Variants in VPS41 observed in about 807,000 individuals in gnomAD.
VPS41 encodes vacuolar protein sorting-associated protein 41 homolog.
Under a neutral mutation model 130.9 loss-of-function variants are expected in VPS41, and 85 were observed. The observed-to-expected ratio is 0.65, with a 90% CI of 0.55 to 0.78. The LOEUF is 0.78. Ranked by LOEUF, VPS41 falls within the 30% of genes least tolerant of loss-of-function variation. The pLI is 0.00. For missense variants in VPS41, 874 were observed against 1,018.7 expected (o/e 0.86, Z 1.93); for synonymous variants, 335 against 332.9 (o/e 1.01, Z -0.07).
At chr7:38,827,775 G>T (rs1259030212) in intron 5 of VPS41, among the ~76,000 whole-genome samples, 2 of 152,188 alleles carry the variant, frequency 1.3e-5, no homozygotes, top group Non-Finnish European at 2.9e-5. Context: ...GAAAACAAAT[G>T]CAACTGAGGC....
chr7:38,757,092 A>C, intron 18 of VPS41, 110 bp from the exon 19 acceptor site: 1 of 843,876 alleles, frequency 1.2e-6, no homozygotes, highest in Non-Finnish European at 1.8e-6. Flanking sequence ...TTTAGAGAGA[A>C]AAGTTAACTT....
intron 2 of VPS41, among the ~76,000 whole-genome samples, chr7:38,896,493 G>GA: frequency 6.6e-6 from 1 of 152,324 alleles, no homozygotes. Flanking sequence ...GGATGGCTTT[G>GA]AATGCAGCTC....
chr7:38,863,089 T>C (rs574119947), intron 3 of VPS41, among the ~76,000 whole-genome samples: 141 of 152,336 alleles, frequency 9.3e-4, no homozygotes, highest in African/African-American at 3.3e-3. Context: ...ATCCATGCCA[T>C]ATTGAGAGAC....
intron 4 of VPS41, among the ~76,000 whole-genome samples, chr7:38,840,754 A>G (rs1228026775): frequency 6.6e-6 from 1 of 152,256 alleles, no homozygotes; most frequent in Non-Finnish European, 1.5e-5. Flanking sequence ...TTCAGTCCCC[A>G]TTAGCAAATG....
chr7:38,768,099 G>C (rs1784082985), intron 14 of VPS41, among the ~76,000 whole-genome samples: 1 of 152,170 alleles, frequency 6.6e-6, no homozygotes, highest in Admixed American at 6.5e-5. Context: ...AGAAAAACCT[G>C]TGATTCAAAC....
chr7:38,768,084 A>G, intron 14 of VPS41, among the ~76,000 whole-genome samples: 1 of 152,224 alleles, frequency 6.6e-6, no homozygotes, highest in East Asian at 1.9e-4. Flanking sequence ...AGTTGATATG[A>G]GCTCAGAAAA....
At chr7:38,893,746 T>A (rs1489813472) in intron 2 of VPS41, among the ~76,000 whole-genome samples, 1 of 152,220 alleles carries the variant, frequency 6.6e-6, no homozygotes, top group Non-Finnish European at 1.5e-5. Context: ...GATTTTGCAT[T>A]TCTACTTTAA....
At chr7:38,903,725 T>C (rs1787193698) in intron 1 of VPS41, among the ~76,000 whole-genome samples, 1 of 152,146 alleles carries the variant, frequency 6.6e-6, no homozygotes, top group Non-Finnish European at 1.5e-5. Context: ...GTGGTATGTA[T>C]GTGATATCCC....
At chr7:38,893,004 G>C (rs1786899552) in intron 2 of VPS41, among the ~76,000 whole-genome samples, 1 of 152,122 alleles carries the variant, frequency 6.6e-6, no homozygotes, top group African/African-American at 2.4e-5. Flanking sequence ...GGACTTCCAT[G>C]AGAACCACGC....
intron 19 of VPS41, among the ~76,000 whole-genome samples, chr7:38,755,354 T>C (rs1185485165): frequency 6.6e-6 from 1 of 152,190 alleles, no homozygotes; most frequent in Non-Finnish European, 1.5e-5. Context: ...CTAGTCTCCC[T>C]ATGAGACTCC....
Position 38,771,115 on chromosome 7 carries a change from C to G in VPS41, c.1185+83G>C, listed in dbSNP as rs566834106. The G allele has an allele frequency of 6.5e-5, 65 of 993,632 alleles. No individual in the cohort carries two copies. The South Asian group carries it at 7.7e-4, about 12-fold the overall frequency. The allele number at this position is 993,632 out of a possible 1,614,324, so 61.6% of individuals were successfully genotyped here. On this transcript the variant is annotated intron_variant, in intron 14 of 28. Transcript: ENST00000310301. ...TAAATTCTCAAAAGATAGGAAAAACCTGTTCTTTTCAAATTATTTTCAGTC... is the reference window on the plus strand; with the variant it reads ...TAAATTCTCAAAAGATAGGAAAAACGTGTTCTTTTCAAATTATTTTCAGTC...
chr7:38,825,072 C>A (rs1299641155), intron 5 of VPS41, among the ~76,000 whole-genome samples: 1 of 152,152 alleles, frequency 6.6e-6, no homozygotes, highest in Admixed American at 6.5e-5. Context: ...CAAACAAGTT[C>A]ATAGTAAACA....
intron 10 of VPS41, among the ~76,000 whole-genome samples, chr7:38,786,286 A>C (rs1025878545): frequency 6.6e-6 from 1 of 152,186 alleles, no homozygotes; most frequent in African/African-American, 2.4e-5. Context: ...CACCATGGGG[A>C]TAGTAGCCGC....
chr7:38,857,968 A>G (rs950211508), intron 4 of VPS41, among the ~76,000 whole-genome samples: 20 of 152,230 alleles, frequency 1.3e-4, no homozygotes, highest in African/African-American at 4.8e-4. Flanking sequence ...ACTGGTTGAA[A>G]GAGTTAAGTT....
In VPS41 at chr7:38,752,167, G is replaced by A. The variant is rs753562384; in HGVS notation, c.1926+9C>T. 1.9e-6 allele frequency: 3 copies of A among 1,613,610 alleles called. No homozygotes were observed. The highest frequency in any genetic ancestry group is 2.7e-5 in the African/African-American group (2 of 74,880). On this transcript the variant is annotated intron_variant, in intron 22 of 28. Coordinates refer to ENST00000310301, the MANE Select transcript of VPS41 (RefSeq NM_014396.4). ...CCAAAGTGTACAAGTCGGGGAGTCT[G>A]TGCCTTACCTTTTCAAGTGGGCAAT...
intron 23 of VPS41, among the ~76,000 whole-genome samples, chr7:38,743,973 A>AGATAC (rs1211195578): frequency 3.9e-5 from 6 of 152,220 alleles, no homozygotes; most frequent in African/African-American, 1.4e-4. Flanking sequence ...CTTCACATGC[A>AGATAC]GATACACTTA....
chr7:38,759,044 G>C (rs1483154724), intron 17 of VPS41, among the ~76,000 whole-genome samples: 1 of 152,246 alleles, frequency 6.6e-6, no homozygotes, highest in Non-Finnish European at 1.5e-5. Flanking sequence ...TGTAAGTAAA[G>C]TGTTCCCCTG....
At chr7:38,730,059 T>C (rs973511169) in intron 25 of VPS41, among the ~76,000 whole-genome samples, 2 of 152,232 alleles carry the variant, frequency 1.3e-5, no homozygotes, top group African/African-American at 4.8e-5. Context: ...TACGCAGTTA[T>C]GTGCAGTTAC....
intron 14 of VPS41, among the ~76,000 whole-genome samples, chr7:38,768,512 A>G (rs764550887): frequency 6.6e-6 from 1 of 152,232 alleles, no homozygotes; most frequent in Non-Finnish European, 1.5e-5. Flanking sequence ...ACTAATGTAC[A>G]GGACATGCCC....
Sources: allele counts gnomAD v4.1 joint callset (sites outside exome capture counted in the v4.1 genomes callset), GRCh38; gene constraint gnomAD v4.1.1; transcripts MANE v1.5; gene names NCBI Gene and HGNC (gene_info 2026-07-23, HGNC 2026-07-21).